Variants in IGSF11 observed in about 807,000 individuals in gnomAD.
The protein encoded by IGSF11 is immunoglobulin superfamily member 11.
A neutral mutation model predicts 41.0 loss-of-function variants in IGSF11; 22 were observed. That is an observed-to-expected ratio of 0.54 (90% CI 0.38 to 0.77). The LOEUF (loss-of-function observed/expected upper bound fraction) is 0.77. Among genes scored for constraint, IGSF11 ranks in the 30% least tolerant of loss-of-function variants. The pLI is 0.00. For synonymous variants in IGSF11, 219 were observed against 201.3 expected (o/e 1.09, Z -0.74); for missense variants, 444 against 530.8 (o/e 0.84, Z 1.61).
At chr3:119,059,970 C>T (rs1942002489) in intron 1 of IGSF11, among the ~76,000 whole-genome samples, 1 of 152,210 alleles carries the variant, frequency 6.6e-6, no homozygotes. Flanking sequence ...CCACTGTCCA[C>T]TAACCAGAGA....
intron 1 of IGSF11, among the ~76,000 whole-genome samples, chr3:119,026,341 T>G (rs1292877429): frequency 6.6e-6 from 1 of 152,214 alleles, no homozygotes; most frequent in African/African-American, 2.4e-5. Flanking sequence ...AAAGAGAATC[T>G]AACATTCTAT....
chr3:119,035,961 A>C (rs35861), upstream of IGSF11, among the ~76,000 whole-genome samples: 8,520 of 152,356 alleles, frequency 0.056, 324 homozygotes, highest in South Asian at 0.084. Flanking sequence ...TAATATGCAC[A>C]GAAGAAAAAT....
chr3:119,138,268 C>T (rs1478284402), intron 1 of IGSF11, among the ~76,000 whole-genome samples: 2 of 152,098 alleles, frequency 1.3e-5, no homozygotes. Flanking sequence ...TATCTTCACT[C>T]CCATGTTTAT....
chr3:118,922,016 A>C (rs1941850023), intron 4 of IGSF11, among the ~76,000 whole-genome samples: 1 of 152,050 alleles, frequency 6.6e-6, no homozygotes, highest in East Asian at 1.9e-4. Context: ...GAACCAGGAC[A>C]ATAGAAGACA....
At chr3:119,049,836 A>G (rs909976494) in intron 1 of IGSF11, among the ~76,000 whole-genome samples, 13 of 148,818 alleles carry the variant, frequency 8.7e-5, no homozygotes, top group Admixed American at 2.7e-4. Context: ...GCCCTCAGAA[A>G]TAACGCCGCA....
chr3:119,092,168 C>T (rs988315858), intron 1 of IGSF11, among the ~76,000 whole-genome samples: 2 of 151,750 alleles, frequency 1.3e-5, no homozygotes, highest in African/African-American at 4.8e-5. Flanking sequence ...TGTGCCACCA[C>T]GCCCTGTGTT....
chr3:118,928,750 C>T (rs1427940639), intron 2 of IGSF11, 34 bp from the exon 3 acceptor site: 1 of 1,482,660 alleles, frequency 6.7e-7, no homozygotes, highest in East Asian at 2.3e-5. Context: ...AAACTGGCCA[C>T]TCTATCCTCT....
intron 1 of IGSF11, among the ~76,000 whole-genome samples, chr3:118,962,532 G>A (rs1422260889): frequency 6.6e-6 from 1 of 152,146 alleles, no homozygotes; most frequent in Admixed American, 6.5e-5. Context: ...AAAAATACAG[G>A]TGGAAGAAGT....
At chr3:118,967,990 A>C (rs538516657) in intron 1 of IGSF11, among the ~76,000 whole-genome samples, 71 of 152,268 alleles carry the variant, frequency 4.7e-4, no homozygotes, top group African/African-American at 1.6e-3. Flanking sequence ...AGAGAGAGAG[A>C]GAGAATTTTT....
rs747078991 is a variant in IGSF11 at position 119,065,701 on chromosome 3, G to A, written c.49+39443C>T. On this transcript the variant is annotated intron_variant, in intron 1 of 6. Coordinates refer to the IGSF11 transcript ENST00000354673. Reference sequence around the variant, plus strand: ...CCAGCTACTCGGGAGGCTGAAACAGGAGAATTGCTTGAATCCGGGAGGTGG... The same window carrying A: ...CCAGCTACTCGGGAGGCTGAAACAGAAGAATTGCTTGAATCCGGGAGGTGG... Among the ~76,000 whole-genome samples the A allele has an allele frequency of 2.1e-4, 31 of 149,540 alleles. 1 individual carries two copies. Among genetic ancestry groups the A allele is most frequent in the South Asian group, 4.2e-4 (2 of 4,726 alleles).
In IGSF11 at chr3:119,057,655, G is replaced by A. The variant is rs139864921; in HGVS notation, c.49+47489C>T. Reference sequence around the variant, plus strand: ...TTCATGTGGAACCAAAAAAGAACCCGCATTGACAAGTCAATCCTAAGCCAA... The same window carrying A: ...TTCATGTGGAACCAAAAAAGAACCCACATTGACAAGTCAATCCTAAGCCAA... On this transcript the variant is annotated intron_variant, in intron 1 of 6. Transcript: ENST00000354673. Among the ~76,000 whole-genome samples, 20 of 152,180 alleles carry A rather than the reference G, an allele frequency of 1.3e-4. No homozygotes were observed. The East Asian group carries it at 1.7e-3, about 13-fold the overall frequency.
intron 1 of IGSF11, among the ~76,000 whole-genome samples, chr3:119,077,281 G>C (rs900195454): frequency 6.6e-6 from 1 of 152,012 alleles, no homozygotes; most frequent in Non-Finnish European, 1.5e-5. Flanking sequence ...GGTGGGGGAA[G>C]GGGGGAGGGA....
chr3:119,121,834 C>A (rs979998794), intron 1 of IGSF11, among the ~76,000 whole-genome samples: 1 of 152,066 alleles, frequency 6.6e-6, no homozygotes, highest in Admixed American at 6.6e-5. Flanking sequence ...CTACCATGTA[C>A]AAGGAATCCT....
intron 1 of IGSF11, among the ~76,000 whole-genome samples, chr3:118,992,649 C>T (rs923711220): frequency 9.9e-5 from 15 of 152,000 alleles, no homozygotes; most frequent in South Asian, 4.2e-4. Context: ...GTTTGCAGGC[C>T]CTTAATTAAG....
chr3:118,995,180 A>C (rs1193965697), intron 1 of IGSF11, among the ~76,000 whole-genome samples: 2 of 152,368 alleles, frequency 1.3e-5, no homozygotes, highest in East Asian at 3.9e-4. Context: ...CACCCTAGCC[A>C]ATCATTTGCA....
intron 1 of IGSF11, among the ~76,000 whole-genome samples, chr3:119,041,256 T>C (rs1332792257): frequency 6.6e-6 from 1 of 152,160 alleles, no homozygotes; most frequent in African/African-American, 2.4e-5. Flanking sequence ...CTAATCAAAA[T>C]TAAAAATGAG....
intron 1 of IGSF11, among the ~76,000 whole-genome samples, chr3:119,072,671 G>A (rs767338368): frequency 6.6e-6 from 1 of 152,146 alleles, no homozygotes; most frequent in East Asian, 1.9e-4. Context: ...CGGTTGGTTC[G>A]TGGTCTTGCT....
chr3:119,145,896 A>C (rs776153497), exon 1 of IGSF11: 20 of 350,014 alleles, frequency 5.7e-5, no homozygotes, highest in Non-Finnish European at 9.4e-5. Flanking sequence ...CGATGCACGG[A>C]GCCCCGTGGC....
chr3:118,926,302 C>G lies in IGSF11; in HGVS notation c.425-46G>C, dbSNP rs759249700. ...AATAAAGTACACATTTTACTGTGAG[C>G]CATGTGATGATGGAGGAGACATCAA... On this transcript the variant is annotated intron_variant, in intron 3 of 6. Transcript: ENST00000393775. 2.1e-5 allele frequency: 30 copies of G among 1,451,910 alleles called. No homozygotes were observed. The African/African-American group carries it at 3.4e-4, about 17-fold the overall frequency. 89.9% of individuals were successfully genotyped at this position (1,451,910 alleles called of 1,614,324 possible). A position where few individuals can be genotyped will look rare whatever the true frequency, so the allele number is the denominator to read the frequency against.
Sources: gnomAD v4.1 joint callset for allele counts (sites outside exome capture counted in the v4.1 genomes callset) on GRCh38, gnomAD v4.1.1 for gene constraint, MANE v1.5 for transcripts, NCBI Gene and HGNC (gene_info 2026-07-23, HGNC 2026-07-21) for gene names.